PCSK5: variants seen among roughly 807,000 people sequenced by gnomAD.
The protein encoded by PCSK5 is prohormone convertase 5.
Under a neutral mutation model 233.2 loss-of-function variants are expected in PCSK5, and 129 were observed. The ratio of observed to expected loss-of-function variants is 0.55; its 90% CI spans 0.48 to 0.64. PCSK5 has a LOEUF of 0.64. Ranked by LOEUF, PCSK5 falls within the 30% of genes least tolerant of loss-of-function variation. The probability of loss-of-function intolerance (pLI) is 0.00; values close to 1 mark genes in which losing one functional copy is unlikely to be tolerated. For missense variants in PCSK5, 2,076 were observed against 2,430.1 expected, an observed-to-expected ratio of 0.85 and a Z score of 3.06; for synonymous variants, 825 against 879.2, an observed-to-expected ratio of 0.94 and a Z score of 1.09.
chr9:76,161,170 G>T (rs1019459528), intron 12 of PCSK5, among the ~76,000 whole-genome samples: 3 of 152,180 alleles, frequency 2.0e-5, no homozygotes, highest in Non-Finnish European at 4.4e-5. Context: ...GGAAACCTGG[G>T]TTTAGTACTT....
intron 7 of PCSK5, among the ~76,000 whole-genome samples, chr9:76,079,830 G>T (rs1246289967): frequency 2.6e-5 from 4 of 152,106 alleles, no homozygotes; most frequent in Admixed American, 2.6e-4. Context: ...TTATTTTGAG[G>T]TAAGTTCCTT....
rs960331155 is a variant in PCSK5 at position 76,177,243 on chromosome 9, G to A, written c.1900+2114G>A. Among the ~76,000 whole-genome samples the A allele has an allele frequency of 8.5e-5, 13 of 152,064 alleles. No homozygotes were observed. The South Asian group carries it at 1.9e-3, about 22-fold the overall frequency. On this transcript the variant is annotated intron_variant, in intron 14 of 37. Coordinates refer to ENST00000674117, the MANE Select transcript of PCSK5 (RefSeq NM_001372043.1). ...CAGGAGGCGGAGGTTGTAGTGAGCC[G>A]GGATCGTGCCACTTCACTCCAGCCT...
intron 24 of PCSK5, among the ~76,000 whole-genome samples, chr9:76,270,864 T>C (rs1015705594): frequency 6.6e-6 from 1 of 152,074 alleles, no homozygotes; most frequent in Non-Finnish European, 1.5e-5. Context: ...CACTTGAAAA[T>C]CATAGGAAGA....
chr9:76,244,145 G>A (rs1034271691), intron 24 of PCSK5, among the ~76,000 whole-genome samples: 43 of 152,158 alleles, frequency 2.8e-4, no homozygotes, highest in Admixed American at 1.8e-3. Flanking sequence ...AGGATCACCT[G>A]AGCCTGGGAA....
At chr9:76,269,442 C>G (rs1187821427) in intron 24 of PCSK5, among the ~76,000 whole-genome samples, 4 of 152,082 alleles carry the variant, frequency 2.6e-5, no homozygotes, top group Admixed American at 1.3e-4. Flanking sequence ...TTCAGCAGGT[C>G]CAAGTGTTAC....
intron 20 of PCSK5, among the ~76,000 whole-genome samples, chr9:76,226,420 C>T (rs548838402): frequency 6.6e-6 from 1 of 152,164 alleles, no homozygotes; most frequent in South Asian, 2.1e-4. Flanking sequence ...TCTAGGTTTC[C>T]AGGGTTCTTT....
At chr9:76,271,043 C>T (rs894157445) in intron 24 of PCSK5, among the ~76,000 whole-genome samples, 4 of 152,076 alleles carry the variant, frequency 2.6e-5, no homozygotes, top group Admixed American at 1.3e-4. Flanking sequence ...CCCCAGATCC[C>T]ACTCCTGAGT....
intron 1 of PCSK5, among the ~76,000 whole-genome samples, chr9:75,899,080 C>T (rs1231025389): frequency 6.6e-6 from 1 of 152,006 alleles, no homozygotes; most frequent in African/African-American, 2.4e-5. Context: ...TTTGGAAGTT[C>T]TTGTAGAGGA....
At position 76,016,885 on chromosome 9, in the gene PCSK5, A is replaced by G. The variant is rs188629343; in HGVS notation, c.412-6853A>G. 9.2e-5 allele frequency among the ~76,000 whole-genome samples: 14 copies of G among 151,944 alleles called. No homozygotes were observed. The East Asian group carries it at 2.3e-3, about 25-fold the overall frequency. ...CCTCAATTATGAGTAGAATTTTGGA[A>G]CAGGATTTATTCTGCTTTCCTCTCT... On this transcript the variant is annotated intron_variant, in intron 3 of 37. Coordinates refer to ENST00000674117, the MANE Select transcript of PCSK5 (RefSeq NM_001372043.1).
chr9:76,112,001 A>G (rs1395977096), intron 9 of PCSK5, among the ~76,000 whole-genome samples: 1 of 152,216 alleles, frequency 6.6e-6, no homozygotes, highest in East Asian at 1.9e-4. Context: ...AGTTGTACTG[A>G]AAGTTTTCCT....
intron 5 of PCSK5, among the ~76,000 whole-genome samples, chr9:76,031,521 C>G (rs955819426): frequency 1.3e-5 from 2 of 152,042 alleles, no homozygotes. Flanking sequence ...GACCCTGTTT[C>G]TACTAAATAC....
chr9:76,309,820 T>A (rs1828811975), intron 29 of PCSK5, among the ~76,000 whole-genome samples: 1 of 152,210 alleles, frequency 6.6e-6, no homozygotes, highest in Non-Finnish European at 1.5e-5. Context: ...ATATAAAATA[T>A]AAAAGGTTAC....
In PCSK5 at chr9:76,189,717, T is replaced by C. The variant is rs771078154; in HGVS notation, c.2597T>C (p.Met866Thr). The change falls in exon 20 of 38, where the codon ATG becomes ACG. Residue 866 changes from methionine to threonine, a missense_variant. Around this residue, in one of 6 missense-constraint regions of PCSK5, gnomAD observed 1,510 missense variants for 1,538.1 expected, o/e 0.98. Transcript: ENST00000674117. ...CPSGYLLDLG[M>T]CQMGAICKDG... ...AGTGGGTATCTCTTAGACTTAGGAA[T>C]GTGTCAAATGGGAGCCATTTGCAAG... 1 of 1,608,870 alleles carries C rather than the reference T, an allele frequency of 6.2e-7. No individual in the cohort carries two copies. Among genetic ancestry groups the C allele is most frequent in the Admixed American group, 1.7e-5 (1 of 59,988 alleles).
At chr9:76,271,014 T>C (rs1827495396) in intron 24 of PCSK5, among the ~76,000 whole-genome samples, 1 of 152,116 alleles carries the variant, frequency 6.6e-6, no homozygotes, top group African/African-American at 2.4e-5. Context: ...CGCTGTGTAC[T>C]ATCATCTTCC....
intron 22 of PCSK5, among the ~76,000 whole-genome samples, chr9:76,236,610 CTAAT>C (rs1826259912): frequency 6.6e-6 from 1 of 152,186 alleles, no homozygotes; most frequent in Non-Finnish European, 1.5e-5. Flanking sequence ...TCATCCATAA[CTAAT>C]TGAGCAGGGC....
At chr9:75,911,726 C>CT (rs1484986778) in intron 1 of PCSK5, among the ~76,000 whole-genome samples, 1 of 152,046 alleles carries the variant, frequency 6.6e-6, no homozygotes, top group Non-Finnish European at 1.5e-5. Flanking sequence ...CTGGTGCTGG[C>CT]TTGGGTTATG....
intron 8 of PCSK5, among the ~76,000 whole-genome samples, chr9:76,102,369 C>T (rs1319006366): frequency 6.6e-6 from 1 of 152,142 alleles, no homozygotes; most frequent in Admixed American, 6.5e-5. Context: ...ACATAAATAC[C>T]TCTTGCATAC....
intron 2 of PCSK5, among the ~76,000 whole-genome samples, chr9:75,983,672 G>A (rs983360680): frequency 7.5e-4 from 114 of 152,330 alleles, no homozygotes; most frequent in African/African-American, 2.7e-3. Flanking sequence ...AGTTAAGCCA[G>A]TGAGGCAAAG....
intron 3 of PCSK5, among the ~76,000 whole-genome samples, chr9:76,014,196 G>T (rs1037339438): frequency 2.6e-5 from 4 of 152,040 alleles, no homozygotes; most frequent in Non-Finnish European, 5.9e-5. Context: ...TTTTAGAAAA[G>T]AATGAGAGGT....
Sources: gnomAD v4.1 joint callset for allele counts (sites outside exome capture counted in the v4.1 genomes callset) on GRCh38, gnomAD v4.1.1 for gene constraint, gnomAD v4.1.1 regional missense constraint, MANE v1.5 for transcripts, NCBI Gene and HGNC (gene_info 2026-07-23, HGNC 2026-07-21) for gene names.